The following FRMPD4 variants were observed in gnomAD, a reference collection of about 807,000 sequenced individuals.
FRMPD4 encodes FERM and PDZ domain-containing protein 4.
FRMPD4 carries 22 observed loss-of-function variants against 94.1 expected under a neutral mutation model. The ratio of observed to expected loss-of-function variants is 0.23; its 90% CI spans 0.17 to 0.33. FRMPD4 has a LOEUF of 0.33. FRMPD4 is among the 10% of genes least tolerant of loss of function. The pLI is 1.00. For synonymous variants in FRMPD4, 631 were observed against 548.6 expected (o/e 1.15, Z -2.10); for missense variants, 1,111 against 1,339.9 (o/e 0.83, Z 2.67).
chrX:12,192,811 G>T (rs2056506544), intron 1 of FRMPD4, among the ~76,000 whole-genome samples: 1 of 111,544 alleles, frequency 9.0e-6, no homozygotes, highest in African/African-American at 3.3e-5. Context: ...TTTGTAATAA[G>T]TTTTCACATG....
chrX:12,251,899 G>A (rs920844998), intron 1 of FRMPD4, among the ~76,000 whole-genome samples: 1 of 111,820 alleles, frequency 8.9e-6, no homozygotes, highest in Non-Finnish European at 1.9e-5. Context: ...CAAAGTGGCC[G>A]ACCACTCTGA....
At chrX:11,987,132 A>G (rs1031458029) in intron 3 of FRMPD4, among the ~76,000 whole-genome samples, 1 of 100,536 alleles carries the variant, frequency 9.9e-6, no homozygotes, top group African/African-American at 3.7e-5. Context: ...AAAAAAAACA[A>G]CTACAGGCCA....
At chrX:12,624,336 G>T (rs73446861) in intron 4 of FRMPD4, among the ~76,000 whole-genome samples, 2,655 of 112,275 alleles carry the variant, frequency 0.024, 74 homozygotes, top group African/African-American at 0.08. Context: ...ACTTGTTAAT[G>T]AAAATACAAC....
At chrX:11,962,387 A>G (rs1023696509) in intron 3 of FRMPD4, among the ~76,000 whole-genome samples, 2 of 111,889 alleles carry the variant, frequency 1.8e-5, no homozygotes, top group Non-Finnish European at 3.8e-5. Flanking sequence ...CTTTTATGAA[A>G]GCACTAATCC....
chrX:12,407,954 G>A (rs779052742), intron 1 of FRMPD4, among the ~76,000 whole-genome samples: 5 of 110,241 alleles, frequency 4.5e-5, no homozygotes, highest in Non-Finnish European at 7.6e-5. Flanking sequence ...GTATATCTTC[G>A]TTGGTAGGCA....
At chrX:12,309,859 A>G (rs899534274) in intron 1 of FRMPD4, among the ~76,000 whole-genome samples, 4 of 112,346 alleles carry the variant, frequency 3.6e-5, no homozygotes, top group Non-Finnish European at 7.5e-5. Context: ...TGCTCTGTTG[A>G]CACAGTCTTC....
intron 2 of FRMPD4, among the ~76,000 whole-genome samples, chrX:12,532,209 C>G (rs1031625344): frequency 7.1e-5 from 8 of 112,304 alleles, no homozygotes; most frequent in Admixed American, 6.6e-4. Context: ...AAATCACTTA[C>G]CCTACCTGAG....
intron 1 of FRMPD4, among the ~76,000 whole-genome samples, chrX:12,436,918 A>G (rs2057073921): frequency 8.9e-6 from 1 of 111,987 alleles, no homozygotes; most frequent in Non-Finnish European, 1.9e-5. Context: ...TTTAAAATTA[A>G]GAGAGAATTA....
At chrX:12,603,676 G>A (rs1242544157) in intron 2 of FRMPD4, among the ~76,000 whole-genome samples, 2 of 111,190 alleles carry the variant, frequency 1.8e-5, no homozygotes, top group Non-Finnish European at 3.8e-5. Flanking sequence ...TGGGGACAGA[G>A]GATGGAGGTT....
intron 1 of FRMPD4, among the ~76,000 whole-genome samples, chrX:12,265,329 T>C (rs2054255580): frequency 8.9e-6 from 1 of 112,386 alleles, no homozygotes; most frequent in South Asian, 3.7e-4. Context: ...AAGATTTTTA[T>C]GGTAAATTAA....
At chrX:11,925,153 A>G in intron 3 of FRMPD4, among the ~76,000 whole-genome samples, 1 of 107,921 alleles carries the variant, frequency 9.3e-6, no homozygotes, top group East Asian at 3.0e-4. Context: ...AAAAAAAAAA[A>G]CATGAAGAAG....
Position 12,252,103 on chromosome X carries a change from G to A in FRMPD4, c.41+113091G>A, listed in dbSNP as rs754649315. Among the ~76,000 whole-genome samples, 3 of 112,167 alleles carry A rather than the reference G, an allele frequency of 2.7e-5. No homozygotes were observed. In the East Asian group the frequency reaches 8.4e-4, roughly 31 times the overall value. On this transcript the variant is annotated intron_variant, in intron 1 of 16. Coordinates refer to ENST00000675598, the MANE Select transcript of FRMPD4 (RefSeq NM_001368397.1). Reference sequence around the variant, plus strand: ...ATTCTCAGTAGCACAACTCAAAAAGGCCTTGTGAGATGGAGCAGCTATAGG... The same window carrying A: ...ATTCTCAGTAGCACAACTCAAAAAGACCTTGTGAGATGGAGCAGCTATAGG...
At chrX:12,285,190 T>C (rs2147867358) in intron 1 of FRMPD4, among the ~76,000 whole-genome samples, 1 of 112,074 alleles carries the variant, frequency 8.9e-6, no homozygotes, top group South Asian at 3.7e-4. Context: ...TCCTAGGTGA[T>C]GGAGACCTAT....
intron 3 of FRMPD4, among the ~76,000 whole-genome samples, chrX:11,897,245 C>T (rs1372140360): frequency 2.7e-5 from 3 of 110,091 alleles, no homozygotes; most frequent in Non-Finnish European, 5.7e-5. Flanking sequence ...ACATGAAATT[C>T]TGGAACAGGC....
intron 1 of FRMPD4, among the ~76,000 whole-genome samples, chrX:12,142,124 T>C (rs1416342570): frequency 9.0e-6 from 1 of 111,660 alleles, no homozygotes; most frequent in Non-Finnish European, 1.9e-5. Context: ...TTGATGATAA[T>C]GATTGAGTCC....
At chrX:12,551,873 T>C (rs2058541156) in intron 2 of FRMPD4, among the ~76,000 whole-genome samples, 1 of 111,366 alleles carries the variant, frequency 9.0e-6, no homozygotes, top group Admixed American at 9.6e-5. Context: ...TGATGGGAAA[T>C]AGTGATATGC....
At chrX:12,348,878 C>A (rs5979606) in intron 1 of FRMPD4, among the ~76,000 whole-genome samples, 1 of 111,512 alleles carries the variant, frequency 9.0e-6, no homozygotes, top group Admixed American at 9.5e-5. Flanking sequence ...AGCAAAAACT[C>A]CATGTTTAAT....
At position 12,721,783 on chromosome X, in the gene FRMPD4, G is replaced by T; in HGVS notation, c.5214G>T (p.Ser1738=). 1.3e-6 allele frequency: 1 copy of T among 752,604 alleles called. No homozygotes were observed. The highest frequency in any genetic ancestry group is 1.6e-6 in the Non-Finnish European group (1 of 636,228). The allele number at this position is 752,604 out of a possible 1,213,427, so 62.0% of individuals were successfully genotyped here. A position where few individuals can be genotyped will look rare whatever the true frequency, so the allele number is the denominator to read the frequency against. Residue 1738 remains serine (S), a synonymous_variant, in exon 17 of 17, where the codon TCG becomes TCT. Transcript: ENST00000675598. ...CTGGGGACCCTAATGTTGGACTCTC[G>T]GCGCGACACTCAACCACCATGGCCG... ...KNPGDPNVGL[S]ARHSTTMAAL... is the part of the protein sequence containing the mutation.
intron 2 of FRMPD4, among the ~76,000 whole-genome samples, chrX:12,530,238 G>T (rs1313465115): frequency 8.9e-6 from 1 of 112,052 alleles, no homozygotes; most frequent in Non-Finnish European, 1.9e-5. Flanking sequence ...GGGATATGAT[G>T]CAATGTGACA....
Sources: allele counts gnomAD v4.1 joint callset (sites outside exome capture counted in the v4.1 genomes callset), GRCh38; gene constraint gnomAD v4.1.1; transcripts MANE v1.5; gene names NCBI Gene and HGNC (gene_info 2026-07-23, HGNC 2026-07-21).